SEC14L1: variants seen among roughly 807,000 people sequenced by gnomAD.
The protein encoded by SEC14L1 is SEC14 like lipid binding 1.
Under a neutral mutation model 85.3 loss-of-function variants are expected in SEC14L1, and 48 were observed. The ratio of observed to expected loss-of-function variants is 0.56; its 90% CI spans 0.45 to 0.72. The LOEUF (loss-of-function observed/expected upper bound fraction) is 0.72, where lower values mean the gene tolerates loss of function less well. Among genes scored for constraint, SEC14L1 ranks in the 30% least tolerant of loss-of-function variants. The pLI, the probability that SEC14L1 is intolerant of heterozygous loss-of-function variation, is 0.00. For missense variants in SEC14L1, 682 were observed against 921.4 expected (o/e 0.74, Z 3.36); for synonymous variants, 391 against 355.5 (o/e 1.10, Z -1.12).
At chr17:77,132,665 C>G (rs1436498855) in intron 3 of SEC14L1, among the ~76,000 whole-genome samples, 1 of 152,206 alleles carries the variant, frequency 6.6e-6, no homozygotes, top group Non-Finnish European at 1.5e-5. Flanking sequence ...TTGGCACAGC[C>G]TAGATAATTA....
chr17:77,144,019 G>A (rs1973167667), intron 3 of SEC14L1, among the ~76,000 whole-genome samples: 1 of 152,160 alleles, frequency 6.6e-6, no homozygotes, highest in Admixed American at 6.5e-5. Context: ...TCGTGTGGAA[G>A]AGTGCTCTGC....
intron 3 of SEC14L1, among the ~76,000 whole-genome samples, chr17:77,167,185 G>T (rs1974324002): frequency 6.9e-6 from 1 of 145,394 alleles, no homozygotes; most frequent in African/African-American, 2.6e-5. Context: ...TCCCAGGCCA[G>T]AGGGCAGTGG....
intron 3 of SEC14L1, among the ~76,000 whole-genome samples, chr17:77,111,194 A>G (rs1212027221): frequency 1.3e-5 from 2 of 150,194 alleles, no homozygotes; most frequent in African/African-American, 4.9e-5. Flanking sequence ...TCAAAAAGAA[A>G]AAAAAAAAAA....
chr17:77,131,837 G>C (rs188101545), intron 3 of SEC14L1, among the ~76,000 whole-genome samples: 4 of 152,310 alleles, frequency 2.6e-5, no homozygotes, highest in Admixed American at 2.0e-4. Flanking sequence ...TCTGCTAGTA[G>C]TAGGAAGGGT....
At chr17:77,184,064 G>A (rs1975161820) in intron 3 of SEC14L1, among the ~76,000 whole-genome samples, 1 of 152,164 alleles carries the variant, frequency 6.6e-6, no homozygotes, top group Non-Finnish European at 1.5e-5. Context: ...GGGATTACAG[G>A]GGTGAGCCAC....
At chr17:77,127,673 T>G (rs946396462) in intron 3 of SEC14L1, among the ~76,000 whole-genome samples, 1 of 152,026 alleles carries the variant, frequency 6.6e-6, no homozygotes, top group African/African-American at 2.4e-5. Context: ...TCTAACCAGC[T>G]GTAGAGGGTT....
Position 77,215,254 on chromosome 17 carries a change from C to T in SEC14L1, c.*1231C>T. 3.0e-6 allele frequency: 3 copies of T among 985,364 alleles called. No homozygotes were observed. The highest frequency in any genetic ancestry group is 3.6e-6 in the Non-Finnish European group (3 of 829,910). The allele number at this position is 985,364 out of a possible 1,614,324, so 61.0% of individuals were successfully genotyped here. On this transcript the variant is annotated 3_prime_UTR_variant, in exon 17 of 17. Coordinates refer to ENST00000436233, the MANE Select transcript of SEC14L1 (RefSeq NM_001143998.2). ...TAAAGCCTGCTCTATCTGGTACAGG[C>T]CCTTATTTTTTCAGCTTTTTATGGG...
chr17:77,115,775 C>T (rs768897892), intron 3 of SEC14L1, among the ~76,000 whole-genome samples: 24 of 152,056 alleles, frequency 1.6e-4, no homozygotes, highest in Admixed American at 3.3e-4. Context: ...TGAGAGAGGT[C>T]GTGGGAGCTG....
At chr17:77,179,157 C>T (rs554610876) in intron 3 of SEC14L1, among the ~76,000 whole-genome samples, 64 of 152,246 alleles carry the variant, frequency 4.2e-4, no homozygotes, top group Admixed American at 7.2e-4. Flanking sequence ...ACAGCCCTCC[C>T]GGTGTTGGCC....
intron 14 of SEC14L1, 58 bp downstream of exon 14, chr17:77,209,534 C>G: frequency 6.4e-7 from 1 of 1,568,792 alleles, no homozygotes; most frequent in Non-Finnish European, 8.6e-7. Flanking sequence ...GGGCCTGGCC[C>G]TCGCAGGGCT....
At chr17:77,159,616 T>A (rs902409405) in intron 3 of SEC14L1, among the ~76,000 whole-genome samples, 2 of 149,746 alleles carry the variant, frequency 1.3e-5, no homozygotes, top group Non-Finnish European at 3.0e-5. Flanking sequence ...CCTGACCTCA[T>A]GATCTGCCTG....
intron 3 of SEC14L1, 142 bp downstream of exon 3, chr17:77,143,801 A>G (rs995602742): frequency 1.8e-5 from 10 of 541,020 alleles, no homozygotes; most frequent in Non-Finnish European, 2.9e-5. Context: ...AACCGTATCT[A>G]GAGTGTGTAA....
chr17:77,098,929 A>G (rs1464962570), intron 3 of SEC14L1: 3 of 152,338 alleles, frequency 2.0e-5, no homozygotes, highest in South Asian at 4.1e-4. Flanking sequence ...CACAAAAACT[A>G]CATTCTCATA....
chr17:77,186,004 T>C (rs1975249529), intron 3 of SEC14L1, among the ~76,000 whole-genome samples: 1 of 152,200 alleles, frequency 6.6e-6, no homozygotes. Flanking sequence ...AGAATATATT[T>C]TTAACTTCCA....
upstream of SEC14L1, among the ~76,000 whole-genome samples, chr17:77,140,002 A>G (rs950495680): frequency 6.6e-6 from 1 of 152,232 alleles, no homozygotes; most frequent in Non-Finnish European, 1.5e-5. Context: ...GGCAGCATGA[A>G]ATGTACAGCC....
At chr17:77,179,068 T>C (rs1974888294) in intron 3 of SEC14L1, among the ~76,000 whole-genome samples, 1 of 152,196 alleles carries the variant, frequency 6.6e-6, no homozygotes, top group Non-Finnish European at 1.5e-5. Context: ...CAAGAATATA[T>C]ATCATGTCTG....
intron 6 of SEC14L1, among the ~76,000 whole-genome samples, chr17:77,194,464 A>T (rs1279875665): frequency 1.3e-5 from 2 of 151,928 alleles, no homozygotes; most frequent in Non-Finnish European, 2.9e-5. Context: ...CTGAGGTAGG[A>T]TGGCTTGAGT....
intron 3 of SEC14L1, among the ~76,000 whole-genome samples, chr17:77,169,805 G>A (rs574764836): frequency 1.1e-4 from 17 of 152,246 alleles, no homozygotes; most frequent in Admixed American, 5.9e-4. Context: ...GCTTGGTGTC[G>A]GTAGAGGTGG....
rs548856648 is a variant in SEC14L1, at chr17:77,124,319, A to G, written c.-135-18327A>G. Among the ~76,000 whole-genome samples the G allele has an allele frequency of 9.2e-5, 14 of 152,320 alleles. No homozygotes were observed. In the South Asian group the frequency reaches 2.7e-3, roughly 29 times the overall value. The stretch of plus-strand genomic sequence containing the variant: ...GTCGCGTCTGCAGTGAGCTGTGATC[A>G]TGCCACTGCATTCCAGCCAGGGTGA... On this transcript the variant is annotated intron_variant, in intron 3 of 19. Coordinates refer to the SEC14L1 transcript ENST00000392476.
Sources: gnomAD v4.1 joint callset for allele counts (sites outside exome capture counted in the v4.1 genomes callset) on GRCh38, gnomAD v4.1.1 for gene constraint, MANE v1.5 for transcripts, NCBI Gene and HGNC (gene_info 2026-07-23, HGNC 2026-07-21) for gene names.